GPBP1: variants seen among roughly 807,000 people sequenced by gnomAD.
GPBP1 encodes the protein vasculin.
In GPBP1, 13 loss-of-function variants were observed where a neutral mutation model predicts 56.5. The observed-to-expected ratio is 0.23, with a 90% CI of 0.15 to 0.37. The LOEUF is 0.37. Among genes scored for constraint, GPBP1 ranks in the 10% least tolerant of loss-of-function variants. The pLI, the probability that GPBP1 is intolerant of heterozygous loss-of-function variation, is 1.00. For missense variants in GPBP1, 477 were observed against 572.3 expected (o/e 0.83, Z 1.70); for synonymous variants, 204 against 188.9 (o/e 1.08, Z -0.66).
intron 2 of GPBP1, among the ~76,000 whole-genome samples, chr5:57,183,586 T>C (rs1379181220): frequency 6.6e-6 from 1 of 151,960 alleles, no homozygotes; most frequent in East Asian, 1.9e-4. Context: ...AAGATGTCAG[T>C]GAGCTATGAT....
At chr5:57,195,328 T>C (rs1345107934) in intron 2 of GPBP1, among the ~76,000 whole-genome samples, 1 of 152,082 alleles carries the variant, frequency 6.6e-6, no homozygotes. Flanking sequence ...GCTAATTTCT[T>C]GTATATTTTG....
At chr5:57,215,612 T>C (rs1755669321) in intron 3 of GPBP1, among the ~76,000 whole-genome samples, 1 of 152,250 alleles carries the variant, frequency 6.6e-6, no homozygotes, top group South Asian at 2.1e-4. Flanking sequence ...CTCAGGTTCA[T>C]TCAGAACTAG....
intron 2 of GPBP1, among the ~76,000 whole-genome samples, chr5:57,192,956 C>T (rs889576102): frequency 4.6e-5 from 7 of 151,906 alleles, no homozygotes; most frequent in African/African-American, 1.7e-4. Context: ...ACTTATTTTT[C>T]TTGTTTTGAA....
chr5:57,219,458 A>G (rs1227259199), intron 3 of GPBP1, among the ~76,000 whole-genome samples: 1 of 151,138 alleles, frequency 6.6e-6, no homozygotes, highest in African/African-American at 2.4e-5. Flanking sequence ...CAAAAAACAA[A>G]TAATTAAAAT....
intron 5 of GPBP1, among the ~76,000 whole-genome samples, chr5:57,235,560 T>C (rs1756627622): frequency 6.6e-6 from 1 of 152,230 alleles, no homozygotes; most frequent in African/African-American, 2.4e-5. Context: ...ACTCTTGTTT[T>C]CTCTGACCAG....
intron 2 of GPBP1, among the ~76,000 whole-genome samples, chr5:57,210,435 T>A (rs1020359376): frequency 1.4e-4 from 21 of 151,772 alleles, no homozygotes; most frequent in East Asian, 5.8e-4. Context: ...TTAAAAAAAA[T>A]TTTTTTAAGC....
intron 3 of GPBP1, among the ~76,000 whole-genome samples, chr5:57,219,398 A>AAC (rs775514981): frequency 5.7e-5 from 4 of 69,770 alleles, no homozygotes; most frequent in Admixed American, 3.7e-4. Flanking sequence ...AAAAAAAAAA[A>AAC]AAAAACCAAA....
At chr5:57,194,340 A>AGGT (rs1754656984) in intron 2 of GPBP1, among the ~76,000 whole-genome samples, 1 of 152,204 alleles carries the variant, frequency 6.6e-6, no homozygotes, top group Non-Finnish European at 1.5e-5. Flanking sequence ...AGTGCTAATG[A>AGGT]GGTGTATCAG....
At chr5:57,229,941 G>GTCCCGTCC (rs1554070407) in intron 3 of GPBP1, among the ~76,000 whole-genome samples, 2 of 146,078 alleles carry the variant, frequency 1.4e-5, no homozygotes, top group African/African-American at 5.1e-5. Context: ...GCATCGCATC[G>GTCCCGTCC]CGTCCCGTCC....
chr5:57,225,731 C>T (rs984196203), intron 3 of GPBP1, among the ~76,000 whole-genome samples: 2 of 152,100 alleles, frequency 1.3e-5, no homozygotes, highest in African/African-American at 2.4e-5. Context: ...AGCATCACTG[C>T]CTGAGTCAAA....
At chr5:57,205,366 G>A (rs1217587701) in intron 2 of GPBP1, among the ~76,000 whole-genome samples, 1 of 152,172 alleles carries the variant, frequency 6.6e-6, no homozygotes. Context: ...ACTGTGAATA[G>A]TGCTGTTTTG....
chr5:57,244,727 ATT>A (rs532660984), intron 6 of GPBP1, among the ~76,000 whole-genome samples: 105 of 93,156 alleles, frequency 1.1e-3, no homozygotes, highest in Middle Eastern at 0.016. Context: ...TTTGTTTGAG[ATT>A]TTTTTTTTTT....
chr5:57,210,586 G>A (rs1021176003), intron 2 of GPBP1, among the ~76,000 whole-genome samples: 5 of 152,158 alleles, frequency 3.3e-5, no homozygotes, highest in Non-Finnish European at 7.3e-5. Flanking sequence ...TGGTTGTTGT[G>A]TATGTGTAAA....
At chr5:57,201,665 G>A (rs1294506373) in intron 2 of GPBP1, among the ~76,000 whole-genome samples, 1 of 152,176 alleles carries the variant, frequency 6.6e-6, no homozygotes, top group East Asian at 1.9e-4. Flanking sequence ...TTACTTGATA[G>A]TAAGTAAACA....
At chr5:57,232,113 G>A (rs1561359662) in intron 5 of GPBP1, among the ~76,000 whole-genome samples, 1 of 152,076 alleles carries the variant, frequency 6.6e-6, no homozygotes, top group African/African-American at 2.4e-5. Context: ...CTGGGCTCAG[G>A]CAGTCCTCTC....
rs143766036 is a variant in GPBP1, at chr5:57,199,056, T to G, written c.-57-15018T>G. On this transcript the variant is annotated intron_variant, in intron 2 of 11. Transcript: ENST00000506184. Reference sequence around the variant, plus strand: ...CATGATTTGGACTCCAATAAATATTTCTCAAACAAAATCGAAGTACATTTA... The same window carrying G: ...CATGATTTGGACTCCAATAAATATTGCTCAAACAAAATCGAAGTACATTTA... Among the ~76,000 whole-genome samples, 49 of 152,328 alleles carry G rather than the reference T, an allele frequency of 3.2e-4. 3 individuals are homozygous for G. The East Asian group carries it at 9.5e-3, about 29-fold the overall frequency.
chr5:57,184,950 G>T (rs966321214), intron 2 of GPBP1, among the ~76,000 whole-genome samples: 1 of 152,176 alleles, frequency 6.6e-6, no homozygotes, highest in African/African-American at 2.4e-5. Context: ...TCCCTGTGGG[G>T]ACATCTTAGT....
At chr5:57,252,261 A>G (rs1389310707) in intron 10 of GPBP1, among the ~76,000 whole-genome samples, 2 of 151,682 alleles carry the variant, frequency 1.3e-5, no homozygotes, top group South Asian at 2.1e-4. Flanking sequence ...AGTGGTACCT[A>G]TTGAAGGGCA....
At chr5:57,212,594 T>C (rs1449324877) in intron 2 of GPBP1, among the ~76,000 whole-genome samples, 2 of 152,156 alleles carry the variant, frequency 1.3e-5, no homozygotes, top group Non-Finnish European at 2.9e-5. Flanking sequence ...CATTTTCACT[T>C]ACATTGCCAG....
Sources: gnomAD v4.1 joint callset for allele counts (sites outside exome capture counted in the v4.1 genomes callset) on GRCh38, gnomAD v4.1.1 for gene constraint, MANE v1.5 for transcripts, NCBI Gene and HGNC (gene_info 2026-07-23, HGNC 2026-07-21) for gene names.